KCNH5: variants seen among roughly 807,000 people sequenced by gnomAD.
The protein encoded by KCNH5 is potassium voltage-gated channel subfamily H member 5.
Under a neutral mutation model 96.1 loss-of-function variants are expected in KCNH5, and 46 were observed. The ratio of observed to expected loss-of-function variants is 0.48; its 90% CI spans 0.38 to 0.61. The LOEUF (loss-of-function observed/expected upper bound fraction) is 0.61. Among genes scored for constraint, KCNH5 ranks in the 20% least tolerant of loss-of-function variants. The pLI, the probability that KCNH5 is intolerant of heterozygous loss-of-function variation, is 0.00. For missense variants in KCNH5, 907 were observed against 1,225.8 expected (o/e 0.74, Z 3.88); for synonymous variants, 439 against 449.8 (o/e 0.98, Z 0.30).
Position 62,843,545 on chromosome 14 carries a change from G to A in KCNH5, c.1569+6108C>T, listed in dbSNP as rs939724713. Among the ~76,000 whole-genome samples, 29 of 151,542 alleles carry A rather than the reference G, an allele frequency of 1.9e-4. 1 individual carries two copies. Among genetic ancestry groups the A allele is most frequent in the Non-Finnish European group, 2.9e-5 (2 of 67,946 alleles). On this transcript the variant is annotated intron_variant, in intron 8 of 10. Coordinates refer to ENST00000322893, the MANE Select transcript of KCNH5 (RefSeq NM_139318.5). ...TCCTGCCTCAGCCTCCTGAGTAGCT[G>A]GGACTACAGGCGTGCACCACCACGC...
At chr14:62,863,543 A>G (rs1888077521) in intron 7 of KCNH5, among the ~76,000 whole-genome samples, 1 of 152,202 alleles carries the variant, frequency 6.6e-6, no homozygotes, top group African/African-American at 2.4e-5. Flanking sequence ...GTATATAAAG[A>G]CTTCCTCAGA....
intron 1 of KCNH5, among the ~76,000 whole-genome samples, chr14:63,039,869 T>C (rs1465793212): frequency 6.7e-6 from 1 of 150,356 alleles, no homozygotes; most frequent in African/African-American, 2.4e-5. Flanking sequence ...TCCCTCCCAG[T>C]CAAATTTGGG....
At chr14:62,748,397 G>T (rs543269989) in intron 10 of KCNH5, among the ~76,000 whole-genome samples, 1 of 152,240 alleles carries the variant, frequency 6.6e-6, no homozygotes, top group South Asian at 2.1e-4. Flanking sequence ...TCCCAAGTCG[G>T]GGTCTGTTTA....
chr14:62,735,572 G>A (rs1885138691), intron 10 of KCNH5, among the ~76,000 whole-genome samples: 1 of 152,044 alleles, frequency 6.6e-6, no homozygotes, highest in Non-Finnish European at 1.5e-5. Context: ...AGTACTTATT[G>A]GAATTTATAA....
At chr14:62,789,213 G>A (rs1452244083) in intron 9 of KCNH5, among the ~76,000 whole-genome samples, 1 of 151,984 alleles carries the variant, frequency 6.6e-6, no homozygotes, top group African/African-American at 2.4e-5. Flanking sequence ...ATTTCACTTA[G>A]CATAATGTCT....
At chr14:62,901,139 C>A (rs998451670) in intron 7 of KCNH5, among the ~76,000 whole-genome samples, 2 of 152,144 alleles carry the variant, frequency 1.3e-5, no homozygotes, top group Non-Finnish European at 2.9e-5. Context: ...CAAGCATGAG[C>A]CACTGTGTCC....
At chr14:62,848,284 T>C (rs1887737420) in intron 8 of KCNH5, among the ~76,000 whole-genome samples, 1 of 152,152 alleles carries the variant, frequency 6.6e-6, no homozygotes, top group Non-Finnish European at 1.5e-5. Flanking sequence ...TCACCTTCAC[T>C]CCAAGGAAGA....
chr14:62,913,158 G>T (rs977111371), intron 7 of KCNH5, among the ~76,000 whole-genome samples: 3 of 152,130 alleles, frequency 2.0e-5, no homozygotes, highest in Non-Finnish European at 4.4e-5. Flanking sequence ...CATCTTGTTG[G>T]CCTCGAATAT....
chr14:62,969,246 T>C (rs1305384068), intron 6 of KCNH5, among the ~76,000 whole-genome samples: 3 of 152,134 alleles, frequency 2.0e-5, no homozygotes, highest in Admixed American at 6.5e-5. Flanking sequence ...ATGCGTAGGA[T>C]AGGAGATCAC....
intron 8 of KCNH5, among the ~76,000 whole-genome samples, chr14:62,807,496 T>C (rs1886791056): frequency 6.6e-6 from 1 of 152,076 alleles, no homozygotes; most frequent in African/African-American, 2.4e-5. Context: ...AAATTATTAA[T>C]AAAATAAAAA....
intron 1 of KCNH5, among the ~76,000 whole-genome samples, chr14:63,018,586 C>T (rs541816787): frequency 6.6e-6 from 1 of 152,092 alleles, no homozygotes; most frequent in South Asian, 2.1e-4. Context: ...GAAGGCCATG[C>T]ATTAGGAGTA....
At chr14:62,956,993 T>C (rs918093251) in intron 6 of KCNH5, among the ~76,000 whole-genome samples, 1 of 152,130 alleles carries the variant, frequency 6.6e-6, no homozygotes, top group Non-Finnish European at 1.5e-5. Context: ...AGTACACAAA[T>C]CCCTGAGGTT....
At chr14:63,039,200 A>C (rs1461856243) in intron 1 of KCNH5, among the ~76,000 whole-genome samples, 1 of 152,082 alleles carries the variant, frequency 6.6e-6, no homozygotes, top group Non-Finnish European at 1.5e-5. Flanking sequence ...AAGAAAAAAG[A>C]ATTGCCTTAA....
intron 8 of KCNH5, among the ~76,000 whole-genome samples, chr14:62,808,614 T>A (rs2140005471): frequency 6.6e-6 from 1 of 152,240 alleles, no homozygotes; most frequent in Non-Finnish European, 1.5e-5. Context: ...GGAAGCATTA[T>A]CAAATGTGAA....
At chr14:62,862,413 G>C (rs771339895) in intron 7 of KCNH5, among the ~76,000 whole-genome samples, 1 of 152,022 alleles carries the variant, frequency 6.6e-6, no homozygotes, top group Admixed American at 6.6e-5. Context: ...ATTCATTTTT[G>C]CTTCTAAATC....
intron 4 of KCNH5, among the ~76,000 whole-genome samples, chr14:63,000,053 A>G (rs1030517942): frequency 6.6e-6 from 1 of 152,162 alleles, no homozygotes; most frequent in African/African-American, 2.4e-5. Context: ...TTGCTGTCAT[A>G]CTTTGAATGG....
intron 7 of KCNH5, among the ~76,000 whole-genome samples, chr14:62,875,874 C>T (rs956309620): frequency 6.6e-6 from 1 of 151,884 alleles, no homozygotes. Flanking sequence ...TATTGCCTTC[C>T]TTTAAGAAAT....
chr14:62,889,994 T>C (rs1364878378), intron 7 of KCNH5, among the ~76,000 whole-genome samples: 1 of 152,194 alleles, frequency 6.6e-6, no homozygotes, highest in East Asian at 1.9e-4. Flanking sequence ...AGACTCACTA[T>C]TCAATAAATG....
intron 6 of KCNH5, among the ~76,000 whole-genome samples, chr14:62,969,193 TA>T (rs1417070111): frequency 6.6e-6 from 1 of 152,122 alleles, no homozygotes; most frequent in Admixed American, 6.5e-5. Flanking sequence ...AAAAGAAATT[TA>T]AAATAATTTG....
Sources: gnomAD v4.1 joint callset for allele counts (sites outside exome capture counted in the v4.1 genomes callset) on GRCh38, gnomAD v4.1.1 for gene constraint, MANE v1.5 for transcripts, NCBI Gene and HGNC (gene_info 2026-07-23, HGNC 2026-07-21) for gene names.